The following CACNB2 variants were observed in gnomAD, a reference collection of about 807,000 sequenced individuals.
CACNB2 encodes calcium voltage-gated channel auxiliary subunit beta 2.
CACNB2 carries 42 observed loss-of-function variants against 73.3 expected under a neutral mutation model. That is an observed-to-expected ratio of 0.57 (90% confidence interval 0.45 to 0.74). The LOEUF is 0.74. Ranked by LOEUF, CACNB2 falls within the 30% of genes least tolerant of loss-of-function variation. CACNB2 has a pLI of 0.00. For synonymous variants in CACNB2, 348 were observed against 310.3 expected (o/e 1.12, Z -1.28); for missense variants, 940 against 853.0 (o/e 1.10, Z -1.27).
At chr10:18,337,163 C>G (rs1445678062) in intron 2 of CACNB2, among the ~76,000 whole-genome samples, 1 of 151,942 alleles carries the variant, frequency 6.6e-6, no homozygotes, top group African/African-American at 2.4e-5. Flanking sequence ...GGGTCTCACT[C>G]TTGTTGCCCA....
chr10:18,307,983 CTTTTTTTT>C (rs869311555), intron 2 of CACNB2, among the ~76,000 whole-genome samples: 13 of 70,268 alleles, frequency 1.9e-4, no homozygotes, highest in Admixed American at 3.9e-4. Context: ...TATATGCCAA[CTTTTTTTT>C]TTTTTTTTTT....
chr10:18,261,966 T>G (rs1476600317), intron 2 of CACNB2: 7 of 518,896 alleles, frequency 1.3e-5, no homozygotes, highest in Non-Finnish European at 2.7e-5. Context: ...AATTGCAATA[T>G]GCTGTGCCTT....
chr10:18,400,910 G>C, intron 2 of CACNB2: 16 of 1,559,396 alleles, frequency 1.0e-5, no homozygotes, highest in Non-Finnish European at 1.3e-5. Context: ...AGAAAGGGAC[G>C]GAGAACAGGG....
rs112293409 is a variant in CACNB2, at chr10:18,476,696, G to A, written c.334-21659G>A. Reference sequence around the variant, plus strand: ...CCCCAGACCAGCCTGAATGGTTGCAGGAGGGTTCTAAACAGAGGTACTTTC... The same window carrying A: ...CCCCAGACCAGCCTGAATGGTTGCAAGAGGGTTCTAAACAGAGGTACTTTC... On this transcript the variant is annotated intron_variant, in intron 3 of 13. Coordinates refer to ENST00000324631, the MANE Select transcript of CACNB2 (RefSeq NM_201596.3). 5.7e-3 allele frequency among the ~76,000 whole-genome samples: 871 copies of A among 152,278 alleles called. 6 individuals carry two copies. The highest frequency in any genetic ancestry group is 0.019 in the African/African-American group (797 of 41,558).
intron 2 of CACNB2, among the ~76,000 whole-genome samples, chr10:18,346,025 T>A (rs1037035134): frequency 1.1e-4 from 16 of 152,208 alleles, no homozygotes; most frequent in Non-Finnish European, 1.8e-4. Flanking sequence ...TTCTGTTGTT[T>A]CAGGGCTGGC....
At position 18,539,654 on chromosome 10, in the gene CACNB2, A is replaced by G. The variant is rs372277783; in HGVS notation, c.1913A>G (p.Asp638Gly). The G allele has an allele frequency of 6.2e-7, 1 of 1,613,190 alleles. No individual in the cohort carries two copies. The highest frequency in any genetic ancestry group is 8.5e-7 in the Non-Finnish European group (1 of 1,179,778). The part of the protein sequence containing the change: ...HKSKDRYCEK[D>G]GEVISKKRNE... ...TCCAAGGATCGCTACTGTGAAAAGG[A>G]TGGAGAAGTGATATCAAAAAAACGG... The change falls in exon 14 of 14, where the codon GAT becomes GGT. Residue 638 changes from aspartate (D) to glycine (G), a missense_variant. Physicochemically the swap from Asp to Gly is moderately conservative, Grantham distance 94. Transcript: ENST00000324631.
chr10:18,496,814 CAAAAA>C (rs905870687), intron 3 of CACNB2, among the ~76,000 whole-genome samples: 2 of 45,192 alleles, frequency 4.4e-5, no homozygotes, highest in African/African-American at 7.6e-5. Flanking sequence ...AACTCCGCCT[CAAAAA>C]AAAAAAAAAA....
intron 2 of CACNB2, among the ~76,000 whole-genome samples, chr10:18,184,666 T>G (rs1471495278): frequency 1.3e-5 from 2 of 150,508 alleles, no homozygotes; most frequent in African/African-American, 2.4e-5. Flanking sequence ...TTTTTTTTTT[T>G]TTTTTTTTTC....
intron 3 of CACNB2, among the ~76,000 whole-genome samples, chr10:18,464,418 TAAAAAAAAAAAAAAAAAA>T (rs762982462): frequency 1.2e-5 from 1 of 85,298 alleles, no homozygotes; most frequent in Non-Finnish European, 2.3e-5. Flanking sequence ...TCTCAAAAAT[TAAAAAAAAAAAAAAAAAA>T]AAAAGAATTT....
chr10:18,323,953 T>C (rs2040486918), intron 2 of CACNB2, among the ~76,000 whole-genome samples: 1 of 152,226 alleles, frequency 6.6e-6, no homozygotes, highest in East Asian at 1.9e-4. Flanking sequence ...AAATGGCATG[T>C]TATATTCCAT....
intron 3 of CACNB2, among the ~76,000 whole-genome samples, chr10:18,438,973 C>G (rs1336675509): frequency 6.6e-6 from 1 of 152,194 alleles, no homozygotes; most frequent in Non-Finnish European, 1.5e-5. Context: ...TAGGCCAGCA[C>G]GTGAATTGGT....
chr10:18,344,328 G>A (rs761733484), intron 2 of CACNB2, among the ~76,000 whole-genome samples: 18 of 151,616 alleles, frequency 1.2e-4, no homozygotes, highest in Non-Finnish European at 1.9e-4. Context: ...TTGTGCAGTC[G>A]CAATAGAGAT....
At chr10:18,463,817 G>T (rs2132695820) in intron 3 of CACNB2, among the ~76,000 whole-genome samples, 1 of 152,072 alleles carries the variant, frequency 6.6e-6, no homozygotes, top group African/African-American at 2.4e-5. Context: ...ATTATGGAGT[G>T]GCCCATGATC....
chr10:18,366,671 C>A (rs986053093), intron 2 of CACNB2, among the ~76,000 whole-genome samples: 3 of 151,862 alleles, frequency 2.0e-5, no homozygotes, highest in African/African-American at 7.3e-5. Flanking sequence ...TGGTGAAACC[C>A]CGTCTCTAAA....
At chr10:18,143,388 A>G (rs532347546) in intron 1 of CACNB2, among the ~76,000 whole-genome samples, 3 of 152,362 alleles carry the variant, frequency 2.0e-5, no homozygotes, top group East Asian at 1.9e-4. Flanking sequence ...CTATGTATCA[A>G]ACATTTCAAA....
chr10:18,323,550 A>G (rs2040473114), intron 2 of CACNB2, among the ~76,000 whole-genome samples: 1 of 152,168 alleles, frequency 6.6e-6, no homozygotes, highest in Non-Finnish European at 1.5e-5. Flanking sequence ...AGTAATGTTC[A>G]TAAGTATGAA....
intron 3 of CACNB2, among the ~76,000 whole-genome samples, chr10:18,428,683 CA>C (rs10525913): frequency 2.9e-4 from 41 of 143,188 alleles, no homozygotes; most frequent in East Asian, 2.8e-3. Context: ...GAGACACTGT[CA>C]AAAAAAAAAA....
At chr10:18,307,107 A>T (rs570339967) in intron 2 of CACNB2, among the ~76,000 whole-genome samples, 39 of 152,246 alleles carry the variant, frequency 2.6e-4, no homozygotes, top group Middle Eastern at 6.8e-3. Flanking sequence ...AGAAAAAAAA[A>T]ATAAGCTAGG....
intron 2 of CACNB2, among the ~76,000 whole-genome samples, chr10:18,333,884 T>G (rs886440459): frequency 6.6e-6 from 1 of 152,142 alleles, no homozygotes; most frequent in Non-Finnish European, 1.5e-5. Flanking sequence ...TTTTGTCGTC[T>G]CCTGGCAACG....
Sources: gnomAD v4.1 joint callset for allele counts (sites outside exome capture counted in the v4.1 genomes callset) on GRCh38, gnomAD v4.1.1 for gene constraint, MANE v1.5 for transcripts, NCBI Gene and HGNC (gene_info 2026-07-23, HGNC 2026-07-21) for gene names.